UNC5D: variants seen among roughly 807,000 people sequenced by gnomAD.
The protein encoded by UNC5D is netrin receptor UNC5D.
UNC5D carries 39 observed loss-of-function variants against 105.4 expected under a neutral mutation model. That is an observed-to-expected ratio of 0.37 (90% confidence interval 0.29 to 0.48). The LOEUF is 0.48. UNC5D is among the 20% of genes least tolerant of loss of function. The pLI, the probability that UNC5D is intolerant of heterozygous loss-of-function variation, is 0.98. For synonymous variants in UNC5D, 452 were observed against 450.4 expected, an observed-to-expected ratio of 1.00 and a Z score of -0.04; for missense variants, 991 against 1,202.4, an observed-to-expected ratio of 0.82 and a Z score of 2.60.
chr8:35,694,751 T>C (rs924038380), intron 7 of UNC5D, among the ~76,000 whole-genome samples: 2 of 152,016 alleles, frequency 1.3e-5, no homozygotes, highest in African/African-American at 4.8e-5. Context: ...GGTCTCACTC[T>C]GTTGCCCAAG....
intron 1 of UNC5D, among the ~76,000 whole-genome samples, chr8:35,248,193 A>G (rs1210668195): frequency 3.1e-5 from 2 of 64,594 alleles, no homozygotes; most frequent in Non-Finnish European, 5.2e-5. Context: ...ATATATAAAT[A>G]TATATTATAT....
chr8:35,641,384 A>AAAAAAAAAAAAAAC (rs1822722191), intron 4 of UNC5D, among the ~76,000 whole-genome samples: 1 of 150,166 alleles, frequency 6.7e-6, no homozygotes, highest in Non-Finnish European at 1.5e-5. Flanking sequence ...AAAAAAAAAA[A>AAAAAAAAAAAAAAC]AGAAAAAAAA....
At chr8:35,397,130 T>G (rs1046859788) in intron 1 of UNC5D, among the ~76,000 whole-genome samples, 5 of 152,132 alleles carry the variant, frequency 3.3e-5, no homozygotes, top group African/African-American at 1.2e-4. Flanking sequence ...GGTCTTGAAC[T>G]CCTGACCTCA....
chr8:35,299,333 A>G (rs1807744005), intron 1 of UNC5D, among the ~76,000 whole-genome samples: 1 of 152,146 alleles, frequency 6.6e-6, no homozygotes, highest in African/African-American at 2.4e-5. Context: ...GCCAGGAGAG[A>G]GTTGCTAAGC....
intron 4 of UNC5D, among the ~76,000 whole-genome samples, chr8:35,676,877 G>C (rs977894416): frequency 6.6e-6 from 1 of 151,668 alleles, no homozygotes; most frequent in Non-Finnish European, 1.5e-5. Context: ...GACGAGGGGG[G>C]CAAATCTACA....
chr8:35,607,722 C>G (rs182390488), intron 4 of UNC5D, among the ~76,000 whole-genome samples: 1 of 151,984 alleles, frequency 6.6e-6, no homozygotes, highest in Non-Finnish European at 1.5e-5. Context: ...GGCTTTTTTC[C>G]TCTTTGATGG....
chr8:35,448,954 A>G (rs1035586738), intron 1 of UNC5D, among the ~76,000 whole-genome samples: 4 of 152,174 alleles, frequency 2.6e-5, no homozygotes, highest in East Asian at 3.9e-4. Context: ...TTCTTTTTTT[A>G]TCACTGAGTA....
At chr8:35,739,714 G>C (rs929304385) in intron 11 of UNC5D, among the ~76,000 whole-genome samples, 3 of 152,156 alleles carry the variant, frequency 2.0e-5, no homozygotes, top group African/African-American at 4.8e-5. Flanking sequence ...ATTTTTATTT[G>C]TATGTGCCAT....
intron 3 of UNC5D, among the ~76,000 whole-genome samples, chr8:35,575,698 T>G (rs577700426): frequency 6.6e-6 from 1 of 152,256 alleles, no homozygotes; most frequent in African/African-American, 2.4e-5. Context: ...CTTGAAACTC[T>G]CCTTCCTCTC....
chr8:35,743,601 A>AC (rs990848056), intron 11 of UNC5D, among the ~76,000 whole-genome samples: 2 of 150,482 alleles, frequency 1.3e-5, no homozygotes, highest in African/African-American at 5.0e-5. Context: ...AAAAAAAAAA[A>AC]ATTTTTTTTA....
At chr8:35,422,272 C>T (rs148084721) in intron 1 of UNC5D, among the ~76,000 whole-genome samples, 1 of 152,182 alleles carries the variant, frequency 6.6e-6, no homozygotes, top group African/African-American at 2.4e-5. Flanking sequence ...AAAGAACGTG[C>T]TAATAAAAAC....
At chr8:35,414,473 G>T (rs1052181040) in intron 1 of UNC5D, among the ~76,000 whole-genome samples, 3 of 151,984 alleles carry the variant, frequency 2.0e-5, no homozygotes, top group Admixed American at 1.3e-4. Context: ...CCTGTTGTTA[G>T]TCCAATATAG....
chr8:35,400,829 G>T (rs555903943), intron 1 of UNC5D, among the ~76,000 whole-genome samples: 3 of 152,260 alleles, frequency 2.0e-5, no homozygotes, highest in African/African-American at 7.2e-5. Context: ...GAGAAAATTT[G>T]TAATTGCCAC....
chr8:35,263,375 T>C (rs1191811780), intron 1 of UNC5D, among the ~76,000 whole-genome samples: 2 of 152,342 alleles, frequency 1.3e-5, no homozygotes, highest in East Asian at 3.9e-4. Flanking sequence ...TAGCACATGA[T>C]ACTTAATAAA....
At chr8:35,554,353 A>G (rs910116241) in intron 2 of UNC5D, among the ~76,000 whole-genome samples, 2 of 152,190 alleles carry the variant, frequency 1.3e-5, no homozygotes, top group Non-Finnish European at 2.9e-5. Flanking sequence ...ACAAGGCTAT[A>G]CCTCTTAGTA....
At chr8:35,716,587 A>C (rs59056946) in intron 8 of UNC5D, among the ~76,000 whole-genome samples, 5,004 of 152,298 alleles carry the variant, frequency 0.033, 270 homozygotes, top group African/African-American at 0.11. Context: ...TTGTTGGAAG[A>C]TTAAAATGAG....
chr8:35,486,520 A>G (rs1810833231), intron 1 of UNC5D, among the ~76,000 whole-genome samples: 1 of 152,238 alleles, frequency 6.6e-6, no homozygotes, highest in South Asian at 2.1e-4. Context: ...ATTGAAACTT[A>G]GAGTCAAGTC....
At chr8:35,596,202 C>A (rs566951053) in intron 4 of UNC5D, among the ~76,000 whole-genome samples, 2 of 152,284 alleles carry the variant, frequency 1.3e-5, no homozygotes, top group Admixed American at 1.3e-4. Context: ...TGTTATCCTT[C>A]CTTCACAGCG....
rs1301594972 is a variant in UNC5D, at chr8:35,528,098, A to G, written c.104-21194A>G. 1.4e-4 allele frequency among the ~76,000 whole-genome samples: 19 copies of G among 137,186 alleles called. No individual in the cohort carries two copies. In the Admixed American group the frequency reaches 1.4e-3, roughly 10 times the overall value. 90.0% of individuals were successfully genotyped at this position (137,186 alleles called of 152,430 possible). Reference sequence around the variant, plus strand: ...TTTAGGGTACATGTGCACATTGTGCAGGTTAGTTACATATGTATACATGTG... The same window carrying G: ...TTTAGGGTACATGTGCACATTGTGCGGGTTAGTTACATATGTATACATGTG... On this transcript the variant is annotated intron_variant, in intron 1 of 16. Transcript: ENST00000404895.
Sources: allele counts gnomAD v4.1 joint callset (sites outside exome capture counted in the v4.1 genomes callset), GRCh38; gene constraint gnomAD v4.1.1; transcripts MANE v1.5; gene names NCBI Gene and HGNC (gene_info 2026-07-23, HGNC 2026-07-21).